The following PFDN1 variants were observed in gnomAD, a reference collection of about 807,000 sequenced individuals.
PFDN1 encodes prefoldin 1.
PFDN1 carries 6 observed loss-of-function variants against 17.3 expected under a neutral mutation model. The observed-to-expected ratio is 0.35, with a 90% CI of 0.19 to 0.69. The LOEUF (loss-of-function observed/expected upper bound fraction) is 0.69. PFDN1 is among the 30% of genes least tolerant of loss of function. The pLI, the probability that PFDN1 is intolerant of heterozygous loss-of-function variation, is 0.65. For synonymous variants in PFDN1, 58 were observed against 50.1 expected (o/e 1.16, Z -0.67); for missense variants, 113 against 146.2 (o/e 0.77, Z 1.17).
intron 2 of PFDN1, among the ~76,000 whole-genome samples, chr5:140,287,471 C>T (rs1335936916): frequency 6.6e-6 from 1 of 152,122 alleles, no homozygotes; most frequent in Admixed American, 6.5e-5. Flanking sequence ...AACAAATAAA[C>T]CCAGTGACCA....
At chr5:140,252,497 C>T (rs1199280980) in intron 3 of PFDN1, among the ~76,000 whole-genome samples, 2 of 152,198 alleles carry the variant, frequency 1.3e-5, no homozygotes, top group Non-Finnish European at 2.9e-5. Flanking sequence ...GACACCACCA[C>T]CAACTTCAAG....
At chr5:140,271,691 G>A (rs921754559) in intron 3 of PFDN1, among the ~76,000 whole-genome samples, 3 of 151,954 alleles carry the variant, frequency 2.0e-5, no homozygotes, top group Non-Finnish European at 4.4e-5. Context: ...TACTCCATGA[G>A]AATACCTTCA....
chr5:140,266,437 C>T (rs560581033), intron 3 of PFDN1, among the ~76,000 whole-genome samples: 3 of 152,286 alleles, frequency 2.0e-5, no homozygotes, highest in African/African-American at 4.8e-5. Flanking sequence ...TGGGTAAATA[C>T]GTCAATCTTC....
chr5:140,262,473 T>A (rs537374226), intron 3 of PFDN1: 3 of 453,324 alleles, frequency 6.6e-6, no homozygotes, highest in Non-Finnish European at 1.3e-5. Flanking sequence ...GTTCATGAGA[T>A]GGCTTCACAC....
At chr5:140,291,322 G>C (rs1405249407) in intron 2 of PFDN1, among the ~76,000 whole-genome samples, 2 of 152,144 alleles carry the variant, frequency 1.3e-5, no homozygotes, top group African/African-American at 4.8e-5. Context: ...AAAATTTAAA[G>C]ATAGAGTCAA....
At position 140,300,538 on chromosome 5, in the gene PFDN1, C is replaced by T; in HGVS notation, c.78G>A (p.Lys26=). Residue 26 remains lysine, a synonymous_variant, in exon 2 of 4, where the codon AAG becomes AAA. Transcript: ENST00000261813. ...CAATCTGTATGTCTGCGAGCTTCACCTTCTGTTGAGTGTCAATAACTTTGG... is the reference window on the plus strand; with the variant it reads ...CAATCTGTATGTCTGCGAGCTTCACTTTCTGTTGAGTGTCAATAACTTTGG... The part of the protein sequence containing the change: ...LQAKVIDTQQ[K]VKLADIQIEQ... The T allele has an allele frequency of 6.2e-7, 1 of 1,612,772 alleles. No homozygotes were observed. Among genetic ancestry groups the T allele is most frequent in the Non-Finnish European group, 8.5e-7 (1 of 1,179,266 alleles).
At chr5:140,302,361 CATTT>C (rs1316808023) in intron 1 of PFDN1, among the ~76,000 whole-genome samples, 10 of 152,318 alleles carry the variant, frequency 6.6e-5, no homozygotes, top group African/African-American at 2.4e-4. Flanking sequence ...AATAACAACA[CATTT>C]ATAAGCAACT....
chr5:140,250,548 C>G (rs1339302817), intron 3 of PFDN1, among the ~76,000 whole-genome samples: 1 of 152,182 alleles, frequency 6.6e-6, no homozygotes, highest in African/African-American at 2.4e-5. Context: ...GTCTGGCTTC[C>G]CTTATGAGAC....
chr5:140,250,080 A>T (rs1764891453), intron 3 of PFDN1, among the ~76,000 whole-genome samples: 1 of 152,154 alleles, frequency 6.6e-6, no homozygotes, highest in African/African-American at 2.4e-5. Flanking sequence ...CTCTGCCCTC[A>T]TGACCTACTC....
At chr5:140,292,954 T>C (rs1278821134) in intron 2 of PFDN1, 1 of 152,158 alleles carries the variant, frequency 6.6e-6, no homozygotes, top group Non-Finnish European at 1.5e-5. Flanking sequence ...AAGCAGATTA[T>C]GTTCCTTGAC....
At chr5:140,269,831 T>G (rs1765181429) in intron 3 of PFDN1, among the ~76,000 whole-genome samples, 1 of 152,220 alleles carries the variant, frequency 6.6e-6, no homozygotes, top group South Asian at 2.1e-4. Flanking sequence ...GTGAGGAAAC[T>G]GAGGCTTAGC....
At chr5:140,260,928 G>A (rs1001660726) in intron 3 of PFDN1, among the ~76,000 whole-genome samples, 1 of 151,954 alleles carries the variant, frequency 6.6e-6, no homozygotes, top group South Asian at 2.1e-4. Flanking sequence ...TTGGGAGGCC[G>A]AGGCAGGTAG....
At chr5:140,246,489 T>G (rs957477826) in intron 3 of PFDN1, among the ~76,000 whole-genome samples, 3 of 152,246 alleles carry the variant, frequency 2.0e-5, no homozygotes, top group Non-Finnish European at 4.4e-5. Flanking sequence ...ATAAAATGGA[T>G]GGTGCACGCT....
At chr5:140,250,105 C>G (rs1764891818) in intron 3 of PFDN1, among the ~76,000 whole-genome samples, 1 of 152,170 alleles carries the variant, frequency 6.6e-6, no homozygotes, top group Non-Finnish European at 1.5e-5. Context: ...CCCAAATGGC[C>G]ACACCTCCTA....
rs1764815962 is a variant in PFDN1, at chr5:140,245,517, C to A, written c.*457G>T. The A allele has an allele frequency of 4.3e-6, 3 of 702,606 alleles. No individual in the cohort carries two copies. The East Asian group carries it at 8.0e-5, about 19-fold the overall frequency. 43.5% of individuals were successfully genotyped at this position (702,606 alleles called of 1,614,324 possible). On this transcript the variant is annotated 3_prime_UTR_variant, in exon 4 of 4. Transcript: ENST00000261813. ...AAGGGAAAAGAGAAGAGGGCAAGGC[C>A]CATCCCCCAAGAAAGGAAGGGCTCT...
intron 3 of PFDN1, among the ~76,000 whole-genome samples, chr5:140,253,018 G>T (rs143614382): frequency 9.7e-4 from 147 of 152,264 alleles, no homozygotes; most frequent in African/African-American, 3.4e-3. Context: ...ACAGCTAGGC[G>T]ATATGGTAAC....
At chr5:140,278,034 C>T (rs768915647) in intron 3 of PFDN1, among the ~76,000 whole-genome samples, 1 of 151,088 alleles carries the variant, frequency 6.6e-6, no homozygotes, top group East Asian at 2.0e-4. Context: ...CATGGTGAAA[C>T]CCAAACCCCG....
chr5:140,267,788 C>G (rs1040914156), intron 3 of PFDN1, among the ~76,000 whole-genome samples: 4 of 151,690 alleles, frequency 2.6e-5, no homozygotes, highest in Admixed American at 6.6e-5. Flanking sequence ...TCCTCCAACC[C>G]TAAGAAAGAA....
At chr5:140,300,318 C>T (rs1472548452) in intron 2 of PFDN1, 98 bp downstream of exon 2, 2 of 856,136 alleles carry the variant, frequency 2.3e-6, no homozygotes, top group East Asian at 2.5e-5. Flanking sequence ...CATGAGCCAC[C>T]ACTCCTGGCC....
Sources: gnomAD v4.1 joint callset for allele counts (sites outside exome capture counted in the v4.1 genomes callset) on GRCh38, gnomAD v4.1.1 for gene constraint, MANE v1.5 for transcripts, NCBI Gene and HGNC (gene_info 2026-07-23, HGNC 2026-07-21) for gene names.